RNLS: variants seen among roughly 807,000 people sequenced by gnomAD.
RNLS encodes the protein renalase, FAD dependent amine oxidase, also known as renalase.
In RNLS, 39 loss-of-function variants were observed where a neutral mutation model predicts 39.8. The ratio of observed to expected loss-of-function variants is 0.98; its 90% CI spans 0.76 to 1.28. The LOEUF (loss-of-function observed/expected upper bound fraction) is 1.28, where lower values mean the gene tolerates loss of function less well. Among genes scored for constraint, RNLS ranks in the 50% most tolerant of loss-of-function variants. RNLS has a pLI of 0.00. For missense variants in RNLS, 410 were observed against 413.3 expected, an observed-to-expected ratio of 0.99 and a Z score of 0.07; for synonymous variants, 147 against 150.7, an observed-to-expected ratio of 0.98 and a Z score of 0.18.
chr10:88,356,932 C>G (rs941983942), intron 5 of RNLS, among the ~76,000 whole-genome samples: 1 of 152,178 alleles, frequency 6.6e-6, no homozygotes, highest in Non-Finnish European at 1.5e-5. Flanking sequence ...CAGATGGTGA[C>G]AAGGAAAGAA....
At chr10:88,516,186 T>C (rs1846396925) in intron 4 of RNLS, among the ~76,000 whole-genome samples, 1 of 151,964 alleles carries the variant, frequency 6.6e-6, no homozygotes. Flanking sequence ...GCCATTTTGT[T>C]ATGGCAGCCC....
At chr10:88,233,248 T>C in the RNLS span, among the ~76,000 whole-genome samples, 134 of 152,288 alleles carry the variant, frequency 8.8e-4, 1 homozygote, top group African/African-American at 3.2e-3. Flanking sequence ...GGGGAAGCCA[T>C]CTTAAAAGAG....
At chr10:88,571,064 G>C in intron 4 of RNLS, among the ~76,000 whole-genome samples, 1 of 150,616 alleles carries the variant, frequency 6.6e-6, no homozygotes, top group East Asian at 1.9e-4. Context: ...GCCTACTGCA[G>C]CCTTGACTTC....
At chr10:88,472,937 C>G (rs927920815) in intron 4 of RNLS, among the ~76,000 whole-genome samples, 12 of 152,210 alleles carry the variant, frequency 7.9e-5, no homozygotes, top group Non-Finnish European at 1.3e-4. Flanking sequence ...TCATGCATAA[C>G]TTAACCGTGA....
chr10:88,548,432 G>A (rs1848446272), intron 4 of RNLS, among the ~76,000 whole-genome samples: 1 of 149,384 alleles, frequency 6.7e-6, no homozygotes, highest in Admixed American at 6.6e-5. Context: ...TTGAGGTCAG[G>A]AGTTCAAGAC....
chr10:88,203,531 TAA>T, the RNLS span, among the ~76,000 whole-genome samples: 1 of 146,350 alleles, frequency 6.8e-6, no homozygotes, highest in East Asian at 2.0e-4. Context: ...ACCAACATTT[TAA>T]AAGAGTGGTT....
chr10:88,299,707 G>C (rs2132945096), intron 6 of RNLS, among the ~76,000 whole-genome samples: 1 of 152,262 alleles, frequency 6.6e-6, no homozygotes, highest in African/African-American at 2.4e-5. Flanking sequence ...AATTTAAGGT[G>C]TTATGTTCAG....
chr10:88,468,614 T>G (rs1314820420), intron 4 of RNLS, among the ~76,000 whole-genome samples: 1 of 152,208 alleles, frequency 6.6e-6, no homozygotes, highest in Non-Finnish European at 1.5e-5. Flanking sequence ...ATAGATTTGC[T>G]GTAAGAGCTA....
the RNLS span, among the ~76,000 whole-genome samples, chr10:88,255,578 G>A: frequency 2.6e-5 from 4 of 152,216 alleles, no homozygotes; most frequent in Admixed American, 2.6e-4. Context: ...GAGGCTGTGA[G>A]CATTTGTACT....
the RNLS span, among the ~76,000 whole-genome samples, chr10:88,173,973 A>G: frequency 4.6e-5 from 7 of 151,728 alleles, no homozygotes; most frequent in African/African-American, 1.5e-4. Flanking sequence ...TAACCTGTTC[A>G]GAGAAATTTA....
At chr10:88,520,898 C>T (rs1846684784) in intron 4 of RNLS, among the ~76,000 whole-genome samples, 1 of 151,998 alleles carries the variant, frequency 6.6e-6, no homozygotes. Context: ...CTTTGCTCTG[C>T]CTCCCTCTCT....
intron 4 of RNLS, among the ~76,000 whole-genome samples, chr10:88,559,329 C>T (rs1849043450): frequency 6.6e-6 from 1 of 152,052 alleles, no homozygotes; most frequent in Non-Finnish European, 1.5e-5. Context: ...TTCTTCCAAT[C>T]TAATTAGATA....
chr10:88,297,189 T>C (rs185602337), intron 6 of RNLS, among the ~76,000 whole-genome samples: 6 of 152,304 alleles, frequency 3.9e-5, no homozygotes, highest in Admixed American at 3.9e-4. Context: ...ACGTGGTAAG[T>C]GCATGTTTAA....
At chr10:88,200,952 C>T in the RNLS span, among the ~76,000 whole-genome samples, 1 of 151,454 alleles carries the variant, frequency 6.6e-6, no homozygotes, top group African/African-American at 2.4e-5. Context: ...AAGGACTTAG[C>T]ATTTTCAAAG....
intron 4 of RNLS, among the ~76,000 whole-genome samples, chr10:88,469,119 TAAAG>T (rs764419983): frequency 5.9e-5 from 9 of 152,152 alleles, no homozygotes; most frequent in Admixed American, 2.0e-4. Context: ...AAAAAGCAGA[TAAAG>T]AGAGTAAAGC....
At chr10:88,191,096 G>T in the RNLS span, among the ~76,000 whole-genome samples, 1 of 152,216 alleles carries the variant, frequency 6.6e-6, no homozygotes, top group African/African-American at 2.4e-5. Context: ...CATCGAGGGG[G>T]CAGGATTCAC....
chr10:88,431,122 G>C (rs1178940047), intron 4 of RNLS, among the ~76,000 whole-genome samples: 2 of 151,574 alleles, frequency 1.3e-5, no homozygotes, highest in Non-Finnish European at 3.0e-5. Flanking sequence ...TTTGTTAGAA[G>C]GTTTTAACTA....
At chr10:88,497,366 C>A (rs569169705) in intron 4 of RNLS, among the ~76,000 whole-genome samples, 134 of 152,008 alleles carry the variant, frequency 8.8e-4, no homozygotes, top group African/African-American at 2.9e-3. Flanking sequence ...ATTACAGTAG[C>A]CCTCACTGAA....
In RNLS at chr10:88,362,552, C is replaced by G. The variant is rs1308301208; in HGVS notation, c.700G>C (p.Glu234Gln). ...VSIDNKKRNI[E>Q]SSEIGPSLVI... The stretch of plus-strand genomic sequence containing the variant: ...TAAGGGAAATAATAGGGGTACTGAC[C>G]TATATTGCGCTTCTTATTATCAATG... The change falls in exon 5 of 7, where the codon GAG becomes CAG. Residue 234 changes from glutamate to glutamine, a missense_variant and splice_region_variant. Glu to Gln is a conservative substitution (Grantham distance 29). Transcript: ENST00000331772. 1 of 1,613,048 alleles carries G rather than the reference C, an allele frequency of 6.2e-7. No homozygotes were observed. Among genetic ancestry groups the G allele is most frequent in the Non-Finnish European group, 8.5e-7 (1 of 1,179,506 alleles).
Sources: allele counts gnomAD v4.1 joint callset (sites outside exome capture counted in the v4.1 genomes callset), GRCh38; gene constraint gnomAD v4.1.1; transcripts MANE v1.5; gene names NCBI Gene and HGNC (gene_info 2026-07-23, HGNC 2026-07-21).